Variants in ZNF554 observed in about 807,000 individuals in gnomAD.
ZNF554 encodes zinc finger protein 554.
Under a neutral mutation model 21.2 loss-of-function variants are expected in ZNF554, and 15 were observed. That is an observed-to-expected ratio of 0.71 (90% CI 0.47 to 1.09). ZNF554 has a LOEUF of 1.09. Ranked by LOEUF, ZNF554 falls within the 50% of genes least tolerant of loss-of-function variation. ZNF554 has a pLI of 0.00. For synonymous variants in ZNF554, 258 were observed against 251.4 expected, an observed-to-expected ratio of 1.03 and a Z score of -0.25; for missense variants, 691 against 662.7, an observed-to-expected ratio of 1.04 and a Z score of -0.47.
chr19:2,831,867 C>T (rs2087424813), intron 3 of ZNF554: 1 of 154,438 alleles, frequency 6.5e-6, no homozygotes, highest in African/African-American at 2.4e-5. Flanking sequence ...GATCACCTGC[C>T]TCTGGGCCTC....
chr19:2,828,858 C>T (rs1264236565), intron 3 of ZNF554, among the ~76,000 whole-genome samples: 1 of 152,016 alleles, frequency 6.6e-6, no homozygotes, highest in Non-Finnish European at 1.5e-5. Flanking sequence ...TGAGAACTCA[C>T]TATCACGAGA....
rs777100894 is a variant in ZNF554, at chr19:2,836,139, C to A, written c.*1287C>A. ...GGTGTGAGCCACCGTGCTGGTATTA[C>A]GGGTGTGAGCCACTGTGCTGGGATT... On this transcript the variant is annotated 3_prime_UTR_variant, in exon 5 of 5. Coordinates refer to ENST00000317243, the MANE Select transcript of ZNF554 (RefSeq NM_001102651.2). Among the ~76,000 whole-genome samples, 1 of 150,634 alleles carries A rather than the reference C, an allele frequency of 6.6e-6. No individual in the cohort carries two copies. The highest frequency in any genetic ancestry group is 1.5e-5 in the Non-Finnish European group (1 of 67,726).
At chr19:2,830,751 A>G (rs1599550670) in intron 3 of ZNF554, 1 of 135,900 alleles carries the variant, frequency 7.4e-6, no homozygotes, top group African/African-American at 2.7e-5. Flanking sequence ...GTGCACCACC[A>G]CACCTGTTTT....
chr19:2,825,296 G>A lies in ZNF554; in HGVS notation c.126+2184G>A, dbSNP rs917780117. 7.3e-5 allele frequency among the ~76,000 whole-genome samples: 11 copies of A among 151,486 alleles called. No homozygotes were observed. In the South Asian group the frequency reaches 2.1e-3, roughly 29 times the overall value. The stretch of plus-strand genomic sequence containing the variant: ...CCCAAAGTGCTGGGATTACAGGTGT[G>A]AGCCACCACGTCCGCCCTCTGCAGT... On this transcript the variant is annotated intron_variant, in intron 2 of 4. Coordinates refer to ENST00000317243, the MANE Select transcript of ZNF554 (RefSeq NM_001102651.2).
At chr19:2,822,943 G>GTAATT in intron 1 of ZNF554, 97 bp from the exon 2 acceptor site, 1 of 1,284,284 alleles carries the variant, frequency 7.8e-7, no homozygotes, top group South Asian at 1.3e-5. Flanking sequence ...TGTATGGGGG[G>GTAATT]CCCCTTCAAG....
Position 2,832,452 on chromosome 19 carries a change from C to T in ZNF554, c.403C>T (p.Leu135=), listed in dbSNP as rs750534805. 1 of 1,612,886 alleles carries T rather than the reference C, an allele frequency of 6.2e-7. No homozygotes were observed. The highest frequency in any genetic ancestry group is 8.5e-7 in the Non-Finnish European group (1 of 1,179,676). Residue 135 remains leucine, a synonymous_variant, in exon 4 of 5, where the codon CTG becomes TTG. Coordinates refer to ENST00000317243, the MANE Select transcript of ZNF554 (RefSeq NM_001102651.2). The part of the protein sequence containing the change: ...ASSHLEQREA[L]WIEEKGTPQA... Reference sequence around the variant, plus strand: ...TTCCCACTTGGAGCAAAGAGAAGCCCTGTGGATAGAGGAAAAAGGAACTCC... The same window carrying T: ...TTCCCACTTGGAGCAAAGAGAAGCCTTGTGGATAGAGGAAAAAGGAACTCC...
Position 2,821,502 on chromosome 19 carries a change from G to A in ZNF554, c.53+1378G>A, listed in dbSNP as rs2087263433. Among the ~76,000 whole-genome samples, 1 of 151,822 alleles carries A rather than the reference G, an allele frequency of 6.6e-6. No homozygotes were observed. Among genetic ancestry groups the A allele is most frequent in the Admixed American group, 6.6e-5 (1 of 15,250 alleles). ...GAAGCCCAACATGAAGATGTGGTGG[G>A]GCCGTGGTGCTTCTGAAGGCTCTGG... On this transcript the variant is annotated intron_variant, in intron 1 of 4. Coordinates refer to ENST00000317243, the MANE Select transcript of ZNF554 (RefSeq NM_001102651.2). This position sits in a 1 kb window ranked among gnomAD's most constrained non-coding sequence, Gnocchi z 8.2.
intron 3 of ZNF554, among the ~76,000 whole-genome samples, chr19:2,829,088 G>T (rs987935539): frequency 1.3e-5 from 2 of 152,148 alleles, no homozygotes; most frequent in African/African-American, 2.4e-5. Context: ...GCTGGGCGTG[G>T]TGGTTCATGT....
chr19:2,823,190 A>C, intron 2 of ZNF554, 78 bp downstream of exon 2: 17 of 1,381,428 alleles, frequency 1.2e-5, no homozygotes, highest in Non-Finnish European at 1.6e-5. Context: ...AGTCCTCGAT[A>C]GAGGAGACCC....
intron 3 of ZNF554, 142 bp downstream of exon 3, chr19:2,827,885 T>G: frequency 1.9e-6 from 2 of 1,060,260 alleles, no homozygotes; most frequent in Non-Finnish European, 2.7e-6. Context: ...CAGTTCCACA[T>G]GGCCGGGGAG....
In ZNF554 at chr19:2,820,424, G is replaced by C. The variant is rs561979002; in HGVS notation, c.53+300G>C. ...AAGGCAGAGAGGGGCTGCCACGCTC[G>C]CACTGCAGTGAGGCCACATCAGAGG... is the stretch of plus-strand genomic sequence containing the variant. On this transcript the variant is annotated intron_variant, in intron 1 of 4. Transcript: ENST00000317243. Among the ~76,000 whole-genome samples the C allele has an allele frequency of 3.2e-3, 480 of 152,336 alleles. 3 individuals are homozygous for C. Among genetic ancestry groups the C allele is most frequent in the Non-Finnish European group, 4.3e-3 (294 of 68,030 alleles).
rs1248879838 is a variant in ZNF554 at position 2,821,245 on chromosome 19, C to G, written c.53+1121C>G. ...GGGATTACAGGTGCACGCCACCCCG[C>G]CTGGCTAATTTTTATATTTTTAGTA... On this transcript the variant is annotated intron_variant, in intron 1 of 4. Coordinates refer to ENST00000317243, the MANE Select transcript of ZNF554 (RefSeq NM_001102651.2). This position sits in a 1 kb window ranked among gnomAD's most constrained non-coding sequence, Gnocchi z 8.2. Among the ~76,000 whole-genome samples, 2 of 151,740 alleles carry G rather than the reference C, an allele frequency of 1.3e-5. No homozygotes were observed. The highest frequency in any genetic ancestry group is 4.9e-5 in the African/African-American group (2 of 41,076).
At chr19:2,820,580 C>T (rs1173728903) in intron 1 of ZNF554, among the ~76,000 whole-genome samples, 1 of 152,080 alleles carries the variant, frequency 6.6e-6, no homozygotes, top group Non-Finnish European at 1.5e-5. Context: ...CAGCACCCTG[C>T]CCAGCCCAGA....
rs748270515 is a variant in ZNF554, at chr19:2,834,256, G to A, written c.1021G>A (p.Glu341Lys). The A allele has an allele frequency of 6.8e-6, 11 of 1,613,920 alleles. No individual in the cohort carries two copies. The highest frequency in any genetic ancestry group is 4.4e-5 in the South Asian group (4 of 91,082). ...KVFNRRHSLS[E>K]HQRIHTGEKP... Reference sequence around the variant, plus strand: ...GTTCAACCGGAGGCATTCTTTGAGCGAACATCAAAGAATTCACACGGGGGA... The same window carrying A: ...GTTCAACCGGAGGCATTCTTTGAGCAAACATCAAAGAATTCACACGGGGGA... Residue 341 changes from glutamate (E) to lysine (K), a missense_variant, in exon 5 of 5, where the codon GAA becomes AAA. By Grantham distance (56) the Glu-to-Lys change is moderately conservative. Transcript: ENST00000317243.
At chr19:2,828,462 G>A (rs1419253834) in intron 3 of ZNF554, among the ~76,000 whole-genome samples, 1 of 152,132 alleles carries the variant, frequency 6.6e-6, no homozygotes, top group Non-Finnish European at 1.5e-5. Flanking sequence ...GGATCACAAG[G>A]GTGATCACCT....
intron 3 of ZNF554, chr19:2,831,276 G>C (rs991437028): frequency 1.3e-5 from 2 of 150,068 alleles, no homozygotes; most frequent in Non-Finnish European, 3.0e-5. Flanking sequence ...GACCATTTGT[G>C]TATCGATTTT....
At position 2,836,400 on chromosome 19, in the gene ZNF554, T is replaced by A. The variant is rs150383493; in HGVS notation, c.*1548T>A. ...CTGGCCTTTATTTCAGCATTCTGTTTCAGTGTTTCACATTGGCCACTTAGC... is the reference window on the plus strand; with the variant it reads ...CTGGCCTTTATTTCAGCATTCTGTTACAGTGTTTCACATTGGCCACTTAGC... On this transcript the variant is annotated 3_prime_UTR_variant, in exon 5 of 5. Transcript: ENST00000317243. Among the ~76,000 whole-genome samples the A allele has an allele frequency of 4.6e-5, 7 of 152,350 alleles. No individual in the cohort carries two copies. In the East Asian group the frequency reaches 1.2e-3, roughly 25 times the overall value.
At chr19:2,826,260 C>T (rs933530047) in intron 2 of ZNF554, 2 of 132,460 alleles carry the variant, frequency 1.5e-5, no homozygotes, top group African/African-American at 2.9e-5. Context: ...GCTGGATTGC[C>T]GTGGCACAAT....
At position 2,827,608 on chromosome 19, in the gene ZNF554, A is replaced by T. The variant is rs779697317; in HGVS notation, c.127-9A>T. Reference sequence around the variant, plus strand: ...ACCCATCTTGAGCAGAACTGCTGTGATATTCTAGGAATTAGTAACCTTTGA... The same window carrying T: ...ACCCATCTTGAGCAGAACTGCTGTGTTATTCTAGGAATTAGTAACCTTTGA... On this transcript the variant is annotated splice_polypyrimidine_tract_variant and intron_variant, in intron 2 of 4. Coordinates refer to ENST00000317243, the MANE Select transcript of ZNF554 (RefSeq NM_001102651.2). 1 of 1,612,280 alleles carries T rather than the reference A, an allele frequency of 6.2e-7. No individual in the cohort carries two copies.
Sources: gnomAD v4.1 joint callset for allele counts (sites outside exome capture counted in the v4.1 genomes callset) on GRCh38, gnomAD v4.1.1 for gene constraint, Gnocchi (gnomAD v3.1) non-coding constraint, MANE v1.5 for transcripts, NCBI Gene and HGNC (gene_info 2026-07-23, HGNC 2026-07-21) for gene names.